Variants in GRM1 observed in about 807,000 individuals in gnomAD.
GRM1 encodes metabotropic glutamate receptor 1.
GRM1 carries 33 observed loss-of-function variants against 90.9 expected under a neutral mutation model. That is an observed-to-expected ratio of 0.36 (90% CI 0.28 to 0.49). GRM1 has a LOEUF of 0.49. GRM1 is among the 20% of genes least tolerant of loss of function. The pLI is 0.99. For synonymous variants in GRM1, 700 were observed against 613.2 expected (o/e 1.14, Z -2.09); for missense variants, 1,190 against 1,534.3 (o/e 0.78, Z 3.75).
At chr6:146,381,407 A>C (rs1010479379) in intron 5 of GRM1, among the ~76,000 whole-genome samples, 2 of 152,176 alleles carry the variant, frequency 1.3e-5, no homozygotes, top group Non-Finnish European at 2.9e-5. Flanking sequence ...TTCTAACAGG[A>C]CAGCACTGAG....
Position 146,029,809 on chromosome 6 carries a change from A to T in GRM1, c.292A>T (p.Asn98Tyr), listed in dbSNP as rs557036170. The T allele has an allele frequency of 6.2e-7, 1 of 1,614,094 alleles. No individual in the cohort carries two copies. Among genetic ancestry groups the T allele is most frequent in the South Asian group, 1.1e-5 (1 of 91,074 alleles). ...KINADPVLLPNITLGSEIRDS... is the reference protein window; with the variant it reads ...KINADPVLLPYITLGSEIRDS... ...CAACGCGGACCCGGTCCTCCTGCCC[A>T]ACATCACCCTGGGCAGTGAGATCCG... Residue 98 changes from asparagine to tyrosine, a missense_variant, in exon 1 of 8, where the codon AAC becomes TAC. This residue lies in a region of GRM1 where 91 missense variants were observed against 95.6 expected (regional missense o/e 0.95). Coordinates refer to ENST00000282753, the MANE Select transcript of GRM1 (RefSeq NM_001278064.2).
chr6:146,358,855 C>CAGGA (rs1775340446), intron 5 of GRM1, among the ~76,000 whole-genome samples: 1 of 152,202 alleles, frequency 6.6e-6, no homozygotes, highest in Non-Finnish European at 1.5e-5. Flanking sequence ...AAAGAAACTT[C>CAGGA]TGAGATGAGT....
intron 2 of GRM1, among the ~76,000 whole-genome samples, chr6:146,165,401 G>GA (rs995092169): frequency 3.3e-5 from 5 of 151,406 alleles, no homozygotes; most frequent in Non-Finnish European, 5.9e-5. Context: ...TTCCACTATG[G>GA]AAAAAAAATG....
At chr6:146,063,105 C>G (rs1220060673) in intron 1 of GRM1, among the ~76,000 whole-genome samples, 1 of 152,180 alleles carries the variant, frequency 6.6e-6, no homozygotes, top group African/African-American at 2.4e-5. Flanking sequence ...CTACCATTGT[C>G]TGCTCCTCTA....
At chr6:146,171,479 A>C (rs755381790) in intron 2 of GRM1, 1 of 176,706 alleles carries the variant, frequency 5.7e-6, no homozygotes, top group Non-Finnish European at 1.3e-5. Flanking sequence ...ATGGGGGAAT[A>C]AGATGTTTGG....
At chr6:146,341,822 A>G (rs362835) in intron 3 of GRM1, among the ~76,000 whole-genome samples, 56,705 of 152,118 alleles carry the variant, frequency 0.37, 14,821 homozygotes, top group African/African-American at 0.75. Flanking sequence ...CCTTATAGGC[A>G]TGGGCGCTGC....
intron 7 of GRM1, among the ~76,000 whole-genome samples, chr6:146,423,739 A>C (rs555561156): frequency 6.6e-6 from 1 of 152,214 alleles, no homozygotes; most frequent in South Asian, 2.1e-4. Flanking sequence ...CGAGTTGCTA[A>C]GTTGTCAAGG....
intron 1 of GRM1, among the ~76,000 whole-genome samples, chr6:146,123,958 C>T (rs1426431316): frequency 1.3e-5 from 2 of 152,118 alleles, no homozygotes; most frequent in African/African-American, 2.4e-5. Flanking sequence ...AACTCTGTTT[C>T]GAGTTTTAGT....
intron 1 of GRM1, among the ~76,000 whole-genome samples, chr6:146,132,810 A>G (rs1776461065): frequency 6.6e-6 from 1 of 152,226 alleles, no homozygotes; most frequent in Non-Finnish European, 1.5e-5. Context: ...GTACACAGCT[A>G]CAATCATTCC....
chr6:146,117,503 T>C (rs1775797363), intron 1 of GRM1, among the ~76,000 whole-genome samples: 1 of 152,030 alleles, frequency 6.6e-6, no homozygotes, highest in African/African-American at 2.4e-5. Flanking sequence ...TAAGTTTCTG[T>C]TTAATAGGAA....
chr6:146,354,253 T>C (rs1785507042), intron 4 of GRM1, among the ~76,000 whole-genome samples: 1 of 152,202 alleles, frequency 6.6e-6, no homozygotes, highest in East Asian at 1.9e-4. Context: ...GAAATGGTAC[T>C]AGGAGCAACA....
chr6:146,432,695 T>C (rs1778458279), intron 7 of GRM1, among the ~76,000 whole-genome samples: 1 of 152,218 alleles, frequency 6.6e-6, no homozygotes, highest in Non-Finnish European at 1.5e-5. Flanking sequence ...GAAACAATTA[T>C]TTCCTGATTT....
At chr6:146,290,163 T>C (rs1399065286) in intron 2 of GRM1, among the ~76,000 whole-genome samples, 1 of 152,170 alleles carries the variant, frequency 6.6e-6, no homozygotes, top group African/African-American at 2.4e-5. Context: ...GATCAAAAGA[T>C]AAGTGTATTC....
intron 5 of GRM1, among the ~76,000 whole-genome samples, chr6:146,373,111 C>T (rs562975714): frequency 4.6e-5 from 7 of 152,076 alleles, no homozygotes; most frequent in East Asian, 3.9e-4. Flanking sequence ...AAAAATTTTT[C>T]AATTTTTGGG....
At chr6:146,091,196 G>A (rs545276556) in intron 1 of GRM1, among the ~76,000 whole-genome samples, 1 of 152,184 alleles carries the variant, frequency 6.6e-6, no homozygotes, top group South Asian at 2.1e-4. Context: ...TGAACTGTTT[G>A]TCTGAGTTCC....
Position 146,434,499 on chromosome 6 carries a change from C to G in GRM1, c.3288C>G (p.Asp1096Glu). 6.2e-7 allele frequency: 1 copy of G among 1,614,066 alleles called. No homozygotes were observed. The highest frequency in any genetic ancestry group is 8.5e-7 in the Non-Finnish European group (1 of 1,180,006). The change falls in exon 8 of 8, where the codon GAC becomes GAG. Residue 1096 changes from aspartate (D) to glutamate (E), a missense_variant. By Grantham distance (45) the Asp-to-Glu change is conservative. This residue lies in a region of GRM1 where 400 missense variants were observed against 360.8 expected (regional missense o/e 1.11). Transcript: ENST00000282753. ...AGCTGGTCTCCCCGCCCGCGGACGA[C>G]GACGACGACAGCGAGAGGTTTAAGC... ...GEELVSPPAD[D>E]DDDSERFKLL...
chr6:146,256,005 A>G (rs138797153), intron 2 of GRM1, among the ~76,000 whole-genome samples: 1,730 of 152,234 alleles, frequency 0.011, 72 homozygotes, highest in East Asian at 0.079. Flanking sequence ...TATCCTAACC[A>G]GTAGGCATTT....
At chr6:146,358,824 A>T (rs1583381780) in intron 5 of GRM1, among the ~76,000 whole-genome samples, 1 of 152,130 alleles carries the variant, frequency 6.6e-6, no homozygotes, top group South Asian at 2.1e-4. Context: ...ATTCTCAGTC[A>T]CTCCAGCCAC....
chr6:146,312,998 A>G (rs1441558419), intron 3 of GRM1, among the ~76,000 whole-genome samples: 1 of 152,224 alleles, frequency 6.6e-6, no homozygotes, highest in East Asian at 1.9e-4. Flanking sequence ...TCATCCAAAA[A>G]TTATAAAGAT....
Sources: gnomAD v4.1 joint callset for allele counts (sites outside exome capture counted in the v4.1 genomes callset) on GRCh38, gnomAD v4.1.1 for gene constraint, gnomAD v4.1.1 regional missense constraint, MANE v1.5 for transcripts, NCBI Gene and HGNC (gene_info 2026-07-23, HGNC 2026-07-21) for gene names.